The following UST variants were observed in gnomAD, a reference collection of about 807,000 sequenced individuals.
UST encodes the protein uronyl 2-sulfotransferase.
In UST, 21 loss-of-function variants were observed where a neutral mutation model predicts 45.6. The observed-to-expected ratio is 0.46, with a 90% CI of 0.33 to 0.66. The LOEUF (loss-of-function observed/expected upper bound fraction) is 0.66, where lower values mean the gene tolerates loss of function less well. Ranked by LOEUF, UST falls within the 30% of genes least tolerant of loss-of-function variation. The pLI is 0.02. For synonymous variants in UST, 215 were observed against 200.6 expected (o/e 1.07, Z -0.61); for missense variants, 463 against 512.4 (o/e 0.90, Z 0.93).
intron 2 of UST, among the ~76,000 whole-genome samples, chr6:148,891,415 C>T (rs1278436092): frequency 6.6e-6 from 1 of 152,164 alleles, no homozygotes; most frequent in Non-Finnish European, 1.5e-5. Flanking sequence ...AATCGCTATC[C>T]ATATCTGTTT....
At chr6:148,869,748 G>T (rs988333222) in intron 1 of UST, among the ~76,000 whole-genome samples, 10 of 152,050 alleles carry the variant, frequency 6.6e-5, no homozygotes, top group Non-Finnish European at 1.3e-4. Context: ...TGAAACATCC[G>T]GTAGAATGTT....
chr6:148,955,956 A>G (rs527303180), intron 4 of UST: 24 of 152,308 alleles, frequency 1.6e-4, no homozygotes, highest in African/African-American at 5.8e-4. Flanking sequence ...ACCAACAAAC[A>G]CGTGTACAGG....
intron 1 of UST, among the ~76,000 whole-genome samples, chr6:148,758,187 C>T (rs1776132567): frequency 6.6e-6 from 1 of 152,140 alleles, no homozygotes; most frequent in South Asian, 2.1e-4. Flanking sequence ...TTGAAAGAAG[C>T]AATCAAACCT....
chr6:148,958,443 A>G (rs896331796), intron 4 of UST, among the ~76,000 whole-genome samples: 1 of 152,182 alleles, frequency 6.6e-6, no homozygotes, highest in African/African-American at 2.4e-5. Flanking sequence ...CTAGAAATTC[A>G]AGCCAGGCAA....
At chr6:148,911,096 G>GC (rs1289811306) in intron 2 of UST, among the ~76,000 whole-genome samples, 1 of 152,134 alleles carries the variant, frequency 6.6e-6, no homozygotes, top group Non-Finnish European at 1.5e-5. Flanking sequence ...CAGAGGCCCT[G>GC]CATCCCCCCT....
chr6:149,001,008 A>G lies in UST; in HGVS notation c.682-18131A>G, dbSNP rs188975653. Among the ~76,000 whole-genome samples the G allele has an allele frequency of 5.3e-5, 8 of 152,304 alleles. No individual in the cohort carries two copies. The East Asian group carries it at 1.5e-3, about 29-fold the overall frequency. On this transcript the variant is annotated intron_variant, in intron 5 of 7. Transcript: ENST00000367463. ...GAGATCCAGAAAAAAGAGAATAGAA[A>G]AATGTTAGGGAAGAAATATTTGAAG...
chr6:149,059,108 T>C (rs1776615989), intron 7 of UST, among the ~76,000 whole-genome samples: 1 of 152,190 alleles, frequency 6.6e-6, no homozygotes. Context: ...CCAGAGCTGC[T>C]GACTTAGGGG....
intron 7 of UST, among the ~76,000 whole-genome samples, chr6:149,057,195 A>G (rs1318204747): frequency 6.6e-6 from 1 of 152,240 alleles, no homozygotes; most frequent in East Asian, 1.9e-4. Flanking sequence ...AAAATGAGAA[A>G]AGATTTCGTC....
chr6:148,930,175 C>T (rs1779893808), intron 2 of UST, among the ~76,000 whole-genome samples: 3 of 152,200 alleles, frequency 2.0e-5, no homozygotes, highest in African/African-American at 4.8e-5. Context: ...GTATGCATAT[C>T]TCTAGTGGGG....
intron 7 of UST, among the ~76,000 whole-genome samples, chr6:149,023,940 A>T (rs1299259749): frequency 6.6e-6 from 1 of 152,200 alleles, no homozygotes; most frequent in East Asian, 1.9e-4. Context: ...CCAAGTTACT[A>T]TTAACTCTTT....
chr6:148,965,103 C>T (rs896126619), intron 5 of UST, among the ~76,000 whole-genome samples: 1 of 152,166 alleles, frequency 6.6e-6, no homozygotes, highest in African/African-American at 2.4e-5. Context: ...CTTTCCACCA[C>T]AGCGCGATAG....
intron 5 of UST, among the ~76,000 whole-genome samples, chr6:149,008,084 C>T (rs2486420): frequency 0.29 from 43,623 of 151,920 alleles, 6,396 homozygotes; most frequent in African/African-American, 0.36. Context: ...CTGTGCAGTC[C>T]GTGAGCTAAC....
intron 7 of UST, among the ~76,000 whole-genome samples, chr6:149,053,619 T>C (rs1344328401): frequency 6.6e-6 from 1 of 152,214 alleles, no homozygotes; most frequent in African/African-American, 2.4e-5. Context: ...TCCAAAAAAA[T>C]AGCCACTCAT....
intron 1 of UST, among the ~76,000 whole-genome samples, chr6:148,836,691 T>TCTTTAAG (rs1777791460): frequency 6.6e-6 from 1 of 152,208 alleles, no homozygotes; most frequent in Non-Finnish European, 1.5e-5. Context: ...GACTTGTTAC[T>TCTTTAAG]ATTTTAAGAT....
chr6:149,022,959 T>G (rs1775999599), intron 7 of UST, among the ~76,000 whole-genome samples: 1 of 152,202 alleles, frequency 6.6e-6, no homozygotes, highest in African/African-American at 2.4e-5. Context: ...TGTAAAGAGT[T>G]TGATGTGACT....
chr6:148,879,960 T>C (rs867402226), intron 1 of UST, among the ~76,000 whole-genome samples: 10,922 of 147,106 alleles, frequency 0.074, 766 homozygotes, highest in African/African-American at 0.18. Flanking sequence ...TTCTTTTTTT[T>C]TTTTTTTGAC....
intron 2 of UST, among the ~76,000 whole-genome samples, chr6:148,899,755 G>A (rs1017313420): frequency 2.4e-4 from 36 of 152,316 alleles, no homozygotes; most frequent in Admixed American, 2.2e-3. Context: ...GTCACTTTCT[G>A]CTCTTTTATC....
intron 4 of UST, among the ~76,000 whole-genome samples, chr6:148,963,880 G>A (rs1346527300): frequency 6.6e-6 from 1 of 152,212 alleles, no homozygotes; most frequent in Non-Finnish European, 1.5e-5. Flanking sequence ...AGTGCTCAGT[G>A]AAGACTGGCT....
chr6:148,972,465 T>C (rs1198405365), intron 5 of UST, among the ~76,000 whole-genome samples: 1 of 152,030 alleles, frequency 6.6e-6, no homozygotes. Context: ...CTTAGGGAGG[T>C]GAGGAGCTTG....
Sources: allele counts gnomAD v4.1 joint callset (sites outside exome capture counted in the v4.1 genomes callset), GRCh38; gene constraint gnomAD v4.1.1; transcripts MANE v1.5; gene names NCBI Gene and HGNC (gene_info 2026-07-23, HGNC 2026-07-21).